Variants in PHF21A observed in about 807,000 individuals in gnomAD.
The protein encoded by PHF21A is BHC80a.
PHF21A carries 11 observed loss-of-function variants against 82.5 expected under a neutral mutation model. The ratio of observed to expected loss-of-function variants is 0.13; its 90% confidence interval spans 0.08 to 0.22. The LOEUF is 0.22. PHF21A is among the 10% of genes least tolerant of loss of function. The pLI is 1.00. For synonymous variants in PHF21A, 297 were observed against 302.8 expected (o/e 0.98, Z 0.20); for missense variants, 579 against 837.8 (o/e 0.69, Z 3.81).
At chr11:46,037,469 C>T (rs541085825) in intron 6 of PHF21A, among the ~76,000 whole-genome samples, 3 of 152,032 alleles carry the variant, frequency 2.0e-5, no homozygotes, top group Non-Finnish European at 4.4e-5. Context: ...TGGAGAAACC[C>T]CGTCTCTACT....
chr11:46,070,984 G>T (rs949510554), intron 6 of PHF21A, among the ~76,000 whole-genome samples: 1 of 152,108 alleles, frequency 6.6e-6, no homozygotes, highest in African/African-American at 2.4e-5. Flanking sequence ...GGGTTATTTG[G>T]AGATACATGG....
At chr11:45,993,319 A>G (rs2094782598) in intron 6 of PHF21A, among the ~76,000 whole-genome samples, 1 of 152,330 alleles carries the variant, frequency 6.6e-6, no homozygotes, top group South Asian at 2.1e-4. Context: ...ATATTTACAC[A>G]GCACTTTACG....
intron 6 of PHF21A, among the ~76,000 whole-genome samples, chr11:46,074,459 G>T (rs939159389): frequency 8.7e-6 from 1 of 115,360 alleles, no homozygotes; most frequent in Non-Finnish European, 2.1e-5. Context: ...CTCTTTTGGC[G>T]GGAGGGGGGA....
intron 6 of PHF21A, among the ~76,000 whole-genome samples, chr11:46,006,536 TA>T (rs1187595156): frequency 6.6e-6 from 1 of 152,062 alleles, no homozygotes; most frequent in Non-Finnish European, 1.5e-5. Flanking sequence ...ATTCACTCTC[TA>T]AAGATACTAA....
At chr11:46,026,660 C>T (rs761606805) in intron 6 of PHF21A, among the ~76,000 whole-genome samples, 1 of 152,036 alleles carries the variant, frequency 6.6e-6, no homozygotes, top group Non-Finnish European at 1.5e-5. Flanking sequence ...TAAAGTCAAG[C>T]AGTGGAATTA....
chr11:45,990,576 C>T (rs1201720822), intron 6 of PHF21A, among the ~76,000 whole-genome samples: 1 of 152,036 alleles, frequency 6.6e-6, no homozygotes, highest in Admixed American at 6.6e-5. Context: ...CATCTTCTTC[C>T]AGTATACTCC....
chr11:46,103,331 G>A (rs750558903), intron 1 of PHF21A, among the ~76,000 whole-genome samples: 1 of 152,080 alleles, frequency 6.6e-6, no homozygotes, highest in Non-Finnish European at 1.5e-5. Context: ...CTATATATTT[G>A]CTATGCTAAT....
rs377669384 is a variant in PHF21A, at chr11:45,945,398, A to C, written c.1452+442T>G. ...CAGAGTTTCTGCTCAACAGTTTCTG[A>C]TCAACAGTTGCTCTAAAGAAAACTT... On this transcript the variant is annotated intron_variant, in intron 15 of 18. Transcript: ENST00000676320. 3.9e-5 allele frequency among the ~76,000 whole-genome samples: 6 copies of C among 152,188 alleles called. No homozygotes were observed. The South Asian group carries it at 8.3e-4, about 21-fold the overall frequency.
At chr11:45,953,664 T>A in intron 10 of PHF21A, 39 bp from the exon 11 acceptor site, 1 of 1,391,992 alleles carries the variant, frequency 7.2e-7, no homozygotes, top group Non-Finnish European at 1.0e-6. Flanking sequence ...AGAATTCGTT[T>A]TTTATTAAAA....
intron 4 of PHF21A, among the ~76,000 whole-genome samples, chr11:46,082,322 A>G (rs979452976): frequency 6.6e-6 from 1 of 152,214 alleles, no homozygotes; most frequent in Admixed American, 6.5e-5. Context: ...CGTCAAATGT[A>G]TGTTCTGGCT....
chr11:46,021,487 C>T (rs915908366), intron 6 of PHF21A, among the ~76,000 whole-genome samples: 40 of 152,064 alleles, frequency 2.6e-4, no homozygotes, highest in African/African-American at 9.2e-4. Flanking sequence ...CCAAGGGTGC[C>T]ACAGAAAGCA....
At chr11:46,075,982 C>CGGTGAA (rs2096719873) in intron 6 of PHF21A, among the ~76,000 whole-genome samples, 2 of 152,120 alleles carry the variant, frequency 1.3e-5, no homozygotes, top group Admixed American at 1.3e-4. Context: ...ATATATTCAC[C>CGGTGAA]TACTCCAAGA....
intron 9 of PHF21A, among the ~76,000 whole-genome samples, chr11:45,968,931 C>CAAAA (rs59583388): frequency 9.3e-5 from 8 of 85,660 alleles, no homozygotes; most frequent in Non-Finnish European, 1.4e-4. Flanking sequence ...AACTCCATTG[C>CAAAA]AAAAAAAAAA....
At chr11:46,021,852 C>A (rs1224831441) in intron 6 of PHF21A, among the ~76,000 whole-genome samples, 2 of 152,106 alleles carry the variant, frequency 1.3e-5, no homozygotes, top group African/African-American at 2.4e-5. Context: ...CCATGCCTGG[C>A]CACTTATCTT....
intron 6 of PHF21A, among the ~76,000 whole-genome samples, chr11:45,998,597 C>T (rs560767159): frequency 4.5e-4 from 69 of 151,852 alleles, no homozygotes; most frequent in Admixed American, 1.6e-3. Context: ...GGCGCAACCT[C>T]CACCTCCCAG....
rs374916339 is a variant in PHF21A, at chr11:46,055,048, C to T, written c.153+21706G>A. On this transcript the variant is annotated intron_variant, in intron 6 of 18. Transcript: ENST00000676320. Reference sequence around the variant, plus strand: ...GTTTATATGGATCTACAGGTTAGAGCGCCAAAACGTCTTTCTTTCATAAAC... The same window carrying T: ...GTTTATATGGATCTACAGGTTAGAGTGCCAAAACGTCTTTCTTTCATAAAC... Among the ~76,000 whole-genome samples the T allele has an allele frequency of 9.9e-5, 15 of 152,232 alleles. No homozygotes were observed. The South Asian group carries it at 3.1e-3, about 32-fold the overall frequency.
chr11:46,107,183 A>G (rs926485257), intron 1 of PHF21A, among the ~76,000 whole-genome samples: 37 of 152,242 alleles, frequency 2.4e-4, no homozygotes, highest in Non-Finnish European at 2.9e-5. Flanking sequence ...GACAACATGC[A>G]TAAAACACTA....
intron 6 of PHF21A, among the ~76,000 whole-genome samples, chr11:45,980,538 C>T (rs1055019941): frequency 1.3e-5 from 2 of 152,072 alleles, no homozygotes; most frequent in Non-Finnish European, 2.9e-5. Flanking sequence ...CTCTATACTG[C>T]CCAGGTTGGA....
At chr11:46,113,419 G>T (rs911425532) in intron 1 of PHF21A, among the ~76,000 whole-genome samples, 2 of 151,996 alleles carry the variant, frequency 1.3e-5, no homozygotes, top group African/African-American at 4.8e-5. Context: ...GAGAAGCACA[G>T]AAAAAAATGC....
Sources: gnomAD v4.1 joint callset for allele counts (sites outside exome capture counted in the v4.1 genomes callset) on GRCh38, gnomAD v4.1.1 for gene constraint, MANE v1.5 for transcripts, NCBI Gene and HGNC (gene_info 2026-07-23, HGNC 2026-07-21) for gene names.